Variants in FAM199X observed in about 807,000 individuals in gnomAD.
The protein encoded by FAM199X is protein FAM199X.
A neutral mutation model predicts 22.9 loss-of-function variants in FAM199X; 4 were observed. The observed-to-expected ratio is 0.17, with a 90% confidence interval of 0.09 to 0.40. The LOEUF (loss-of-function observed/expected upper bound fraction) is 0.40, where lower values mean the gene tolerates loss of function less well. Ranked by LOEUF, FAM199X falls within the 10% of genes least tolerant of loss-of-function variation. The probability of loss-of-function intolerance (pLI) is 1.00; values close to 1 mark genes in which losing one functional copy is unlikely to be tolerated. For synonymous variants in FAM199X, 101 were observed against 112.3 expected, an observed-to-expected ratio of 0.90 and a Z score of 0.64; for missense variants, 183 against 306.8, an observed-to-expected ratio of 0.60 and a Z score of 3.01.
chrX:104,166,044 T>C (rs1921166784), upstream of FAM199X, among the ~76,000 whole-genome samples: 2 of 112,171 alleles, frequency 1.8e-5, no homozygotes, highest in East Asian at 2.8e-4. Context: ...GGGACTATTT[T>C]CCCTGCTTGG....
chrX:104,193,615 G>A lies in FAM199X; in HGVS notation c.*3837G>A, dbSNP rs1362657585. 3 of 111,474 alleles carry A rather than the reference G, an allele frequency of 2.7e-5. No homozygotes were observed. Among genetic ancestry groups the A allele is most frequent in the Non-Finnish European group, 5.7e-5 (3 of 52,909 alleles). 9.2% of individuals were successfully genotyped at this position (111,474 alleles called of 1,213,427 possible). On this transcript the variant is annotated 3_prime_UTR_variant, in exon 6 of 6. Coordinates refer to ENST00000493442, the MANE Select transcript of FAM199X (RefSeq NM_207318.4). ...TACTCGCAGTCCGTTTATAGTTTGG[G>A]ACAATTAATAGGAAAATCCCCAGTT...
chrX:104,179,062 G>A (rs1300621386), intron 2 of FAM199X, among the ~76,000 whole-genome samples: 2 of 111,923 alleles, frequency 1.8e-5, no homozygotes, highest in South Asian at 7.5e-4. Flanking sequence ...CCCTGAAGGT[G>A]CAGGTTACAG....
rs143421276 is a variant in FAM199X, at chrX:104,174,191, G to T, written c.198-1432G>T. ...AGGCTGACATGGGAGAATCGCTCGA[G>T]CCTGGGAGTTGGAGGCTGACATGGG... On this transcript the variant is annotated intron_variant, in intron 1 of 5. Transcript: ENST00000493442. Among the ~76,000 whole-genome samples, 325 of 110,622 alleles carry T rather than the reference G, an allele frequency of 2.9e-3. 5 individuals carry two copies. Among genetic ancestry groups the T allele is most frequent in the Admixed American group, 0.024 (252 of 10,316 alleles).
intron 2 of FAM199X, among the ~76,000 whole-genome samples, chrX:104,181,991 C>CTTT (rs1210118235): frequency 2.1e-5 from 2 of 94,675 alleles, no homozygotes; most frequent in African/African-American, 3.9e-5. Flanking sequence ...TCTTTTTTTT[C>CTTT]TTTTTTTTTT....
chrX:104,192,636 T>C lies in FAM199X; in HGVS notation c.*2858T>C, dbSNP rs1193187713. 1 of 111,894 alleles carries C rather than the reference T, an allele frequency of 8.9e-6. No homozygotes were observed. The highest frequency in any genetic ancestry group is 1.9e-5 in the Non-Finnish European group (1 of 52,964). The allele number at this position is 111,894 out of a possible 1,213,427, so 9.2% of individuals were successfully genotyped here. ...TGAATTAAAGGAAGGTGATGTATTA[T>C]AATGTGTAGTGAGGTATAAAGGGCT... On this transcript the variant is annotated 3_prime_UTR_variant, in exon 6 of 6. Coordinates refer to ENST00000493442, the MANE Select transcript of FAM199X (RefSeq NM_207318.4).
At position 104,166,540 on chromosome X, in the gene FAM199X, G is replaced by A. The variant is rs1414046402; in HGVS notation, c.-246G>A. 9.3e-4 allele frequency: 231 copies of A among 249,364 alleles called. No homozygotes were observed. Among genetic ancestry groups the A allele is most frequent in the Non-Finnish European group, 1.5e-3 (210 of 140,130 alleles). The allele number at this position is 249,364 out of a possible 1,213,427, so 20.6% of individuals were successfully genotyped here. A position where few individuals can be genotyped will look rare whatever the true frequency, so the allele number is the denominator to read the frequency against. ...CTGACGGGCTGAGTCTGGCGGCGGC[G>A]GAAGCTGCAGAGGCCACCGGGGCGC... On this transcript the variant is annotated 5_prime_UTR_variant, in exon 1 of 6. Transcript: ENST00000493442.
At position 104,190,802 on chromosome X, in the gene FAM199X, T is replaced by G. The variant is rs1921918822; in HGVS notation, c.*1024T>G. ...CTGATGAAAACCCTTGTAGATCTGC[T>G]AAACTTCTCTATAAATTGCTAGAAA... On this transcript the variant is annotated 3_prime_UTR_variant, in exon 6 of 6. Coordinates refer to ENST00000493442, the MANE Select transcript of FAM199X (RefSeq NM_207318.4). The G allele has an allele frequency of 9.0e-6, 1 of 111,409 alleles. No individual in the cohort carries two copies. Among genetic ancestry groups the G allele is most frequent in the African/African-American group, 3.3e-5 (1 of 30,646 alleles). The allele number at this position is 111,409 out of a possible 1,213,427, so 9.2% of individuals were successfully genotyped here.
chrX:104,170,469 A>G (rs1330713248), intron 1 of FAM199X, among the ~76,000 whole-genome samples: 1 of 111,986 alleles, frequency 8.9e-6, no homozygotes, highest in Non-Finnish European at 1.9e-5. Context: ...TAGAAGTGGA[A>G]CTACAGGTTA....
intron 5 of FAM199X, 53 bp from the exon 6 acceptor site, chrX:104,189,555 G>A (rs1358677915): frequency 8.8e-7 from 1 of 1,139,641 alleles, no homozygotes; most frequent in Non-Finnish European, 1.2e-6. Context: ...ACATTTTGGG[G>A]TGGATATGCC....
At chrX:104,188,897 A>C (rs1921867913) in intron 5 of FAM199X, among the ~76,000 whole-genome samples, 2 of 111,726 alleles carry the variant, frequency 1.8e-5, no homozygotes, top group African/African-American at 6.5e-5. Flanking sequence ...AATGGCAAGA[A>C]TCTGGAGCCA....
At chrX:104,167,137 A>G (rs1342801661) in intron 1 of FAM199X, among the ~76,000 whole-genome samples, 155 bp downstream of exon 1, 22 of 36,665 alleles carry the variant, frequency 6.0e-4, no homozygotes, top group Non-Finnish European at 7.2e-4. Context: ...CCCCCTCCCT[A>G]TTTTCACCCC....
intron 2 of FAM199X, among the ~76,000 whole-genome samples, chrX:104,185,421 T>C (rs1374275455): frequency 2.7e-5 from 3 of 111,311 alleles, no homozygotes; most frequent in Non-Finnish European, 3.8e-5. Flanking sequence ...TTAAAAACTT[T>C]AATGATGATT....
rs1921346179 is a variant in FAM199X, at chrX:104,171,282, T to A, written c.197+4300T>A. ...CTTTATTTTTTTTTTTAATTAAAAT[T>A]TGGGCAGCAAGCCTAGTTATTGAGT... On this transcript the variant is annotated intron_variant, in intron 1 of 5. Transcript: ENST00000493442. Among the ~76,000 whole-genome samples the A allele has an allele frequency of 5.4e-5, 6 of 111,527 alleles. No individual in the cohort carries two copies. The Admixed American group carries it at 5.7e-4, about 11-fold the overall frequency.
Position 104,191,293 on chromosome X carries a change from G to A in FAM199X, c.*1515G>A, listed in dbSNP as rs1370187227. On this transcript the variant is annotated 3_prime_UTR_variant, in exon 6 of 6. Coordinates refer to ENST00000493442, the MANE Select transcript of FAM199X (RefSeq NM_207318.4). Reference sequence around the variant, plus strand: ...GTTTTAAAATTTTGATTTCATTTTCGTTCCTTGAAGGTTAAAGAATGGAAA... The same window carrying A: ...GTTTTAAAATTTTGATTTCATTTTCATTCCTTGAAGGTTAAAGAATGGAAA... 5.4e-5 allele frequency: 6 copies of A among 111,363 alleles called. No individual in the cohort carries two copies. The highest frequency in any genetic ancestry group is 1.3e-4 in the African/African-American group (4 of 30,742). The allele number at this position is 111,363 out of a possible 1,213,427, so 9.2% of individuals were successfully genotyped here.
chrX:104,162,047 C>G (rs782281302), upstream of FAM199X, among the ~76,000 whole-genome samples: 1 of 111,653 alleles, frequency 9.0e-6, no homozygotes, highest in Admixed American at 9.5e-5. Context: ...AAGGTGTGTT[C>G]CAGACAACAA....
chrX:104,182,686 C>G (rs1556378201), intron 2 of FAM199X, among the ~76,000 whole-genome samples: 2 of 111,475 alleles, frequency 1.8e-5, no homozygotes. Context: ...TTCCTTTTCC[C>G]CCTATCATTC....
chrX:104,163,949 T>A (rs1556373141), upstream of FAM199X, among the ~76,000 whole-genome samples: 1 of 111,115 alleles, frequency 9.0e-6, no homozygotes, highest in Non-Finnish European at 1.9e-5. Context: ...ATTACAGGCA[T>A]AAGCCACCGT....
At chrX:104,180,543 G>A (rs782579388) in intron 2 of FAM199X, among the ~76,000 whole-genome samples, 13 of 110,918 alleles carry the variant, frequency 1.2e-4, no homozygotes, top group Non-Finnish European at 2.5e-4. Flanking sequence ...GCCATTCACC[G>A]TTAATGTACA....
At chrX:104,165,070 G>A (rs1241687910), upstream of FAM199X, among the ~76,000 whole-genome samples, 2 of 111,315 alleles carry the variant, frequency 1.8e-5, no homozygotes, top group African/African-American at 6.5e-5. Context: ...CAGACCCCTG[G>A]GGATTGGTGC....
Sources: allele counts gnomAD v4.1 joint callset (sites outside exome capture counted in the v4.1 genomes callset), GRCh38; gene constraint gnomAD v4.1.1; transcripts MANE v1.5; gene names NCBI Gene and HGNC (gene_info 2026-07-23, HGNC 2026-07-21).